Variants in MEP1A observed in about 807,000 individuals in gnomAD.
MEP1A encodes meprin A subunit alpha, also known as N-benzoyl-L-tyrosyl-P-amino-benzoic acid hydrolase subunit alpha.
Under a neutral mutation model 84.5 loss-of-function variants are expected in MEP1A, and 68 were observed. The ratio of observed to expected loss-of-function variants is 0.80; its 90% CI spans 0.66 to 0.98. The LOEUF is 0.98. Among genes scored for constraint, MEP1A ranks in the 50% least tolerant of loss-of-function variants. The pLI is 0.00. For missense variants in MEP1A, 887 were observed against 919.9 expected, an observed-to-expected ratio of 0.96 and a Z score of 0.46; for synonymous variants, 337 against 336.8, an observed-to-expected ratio of 1.00 and a Z score of -0.01.
rs201786654 is a variant in MEP1A, at chr6:46,825,318, C to T, written c.603C>T (p.Asp201=). Residue 201 remains aspartate, a synonymous_variant, in exon 8 of 14, where the codon GAC becomes GAT. Transcript: ENST00000230588. ...CCTATGATGATAGCTTAATCACAGA[C>T]CTCAATACACCCTATGATTATGAGT... ...FDTYDDSLIT[D]LNTPYDYESL... 321 of 1,613,606 alleles carry T rather than the reference C, an allele frequency of 2.0e-4. 2 individuals carry two copies. The highest frequency in any genetic ancestry group is 9.2e-4 in the South Asian group (84 of 91,052).
intron 13 of MEP1A, among the ~76,000 whole-genome samples, chr6:46,835,774 T>C (rs1581690916): frequency 6.6e-6 from 1 of 152,128 alleles, no homozygotes; most frequent in African/African-American, 2.4e-5. Context: ...TCACCCCTTT[T>C]CCCCTCTTCT....
chr6:46,797,916 TTCCTTCCTTCCTTCTTTCCTTCCTTCC>T lies in MEP1A; in HGVS notation c.146-688_146-662del, dbSNP rs1562102768. On this transcript the variant is annotated intron_variant, in intron 3 of 13. Transcript: ENST00000230588. ...CTTCCTTCCTTCCTTCCTTCCTTCC[TTCCTTCCTTCCTTCTTTCCTTCCTTCC>T]TTCCTTCCTTCCTTCCTTTTTTCTT... 8.0e-3 allele frequency among the ~76,000 whole-genome samples: 362 copies of T among 45,076 alleles called. 12 individuals are homozygous for T. The highest frequency in any genetic ancestry group is 0.044 in the South Asian group (57 of 1,286). The allele number at this position is 45,076 out of a possible 152,430, so 29.6% of individuals were successfully genotyped here.
At chr6:46,840,026 A>G (rs1188083281), downstream of MEP1A, among the ~76,000 whole-genome samples, 1 of 151,700 alleles carries the variant, frequency 6.6e-6, no homozygotes, top group Non-Finnish European at 1.5e-5. Context: ...GTTCCAAGAT[A>G]GAGCAAGTGA....
chr6:46,836,565 C>A (rs1473296847), intron 13 of MEP1A, among the ~76,000 whole-genome samples: 7 of 152,150 alleles, frequency 4.6e-5, no homozygotes, highest in Non-Finnish European at 8.8e-5. Flanking sequence ...ATTAGCATAG[C>A]CAAGAAATGA....
chr6:46,829,540 T>A lies in MEP1A; in HGVS notation c.1113T>A (p.Val371=). The A allele has an allele frequency of 6.2e-7, 1 of 1,614,162 alleles. No individual in the cohort carries two copies. Among genetic ancestry groups the A allele is most frequent in the Non-Finnish European group, 8.5e-7 (1 of 1,180,014 alleles). Residue 371 remains valine, a synonymous_variant, in exon 10 of 14, where the codon GTT becomes GTA. Coordinates refer to ENST00000230588, the MANE Select transcript of MEP1A (RefSeq NM_005588.3). ...WVRRDDSTGN[V]RKLVKVQTFQ... ...GGAGGGATGACAGCACAGGCAATGT[T>A]CGCAAGTTGGTGAAGGTGCAGACTT...
chr6:46,826,609 G>T (rs2150753487), intron 9 of MEP1A, 106 bp downstream of exon 9: 1 of 1,000,996 alleles, frequency 1.0e-6, no homozygotes, highest in East Asian at 2.8e-5. Flanking sequence ...TATCAAACTT[G>T]AAAATCTGAA....
chr6:46,841,183 C>T (rs1768325469), downstream of MEP1A, among the ~76,000 whole-genome samples: 1 of 152,198 alleles, frequency 6.6e-6, no homozygotes, highest in African/African-American at 2.4e-5. Flanking sequence ...CAAATTAAAA[C>T]TGCTAGGTCA....
At chr6:46,809,834 T>C (rs866014408) in intron 6 of MEP1A, among the ~76,000 whole-genome samples, 3 of 116,436 alleles carry the variant, frequency 2.6e-5, no homozygotes, top group African/African-American at 7.8e-5. Flanking sequence ...ATATTTTACA[T>C]ATATTTTTTT....
chr6:46,828,662 CT>C (rs1768001872), intron 9 of MEP1A, among the ~76,000 whole-genome samples: 1 of 152,164 alleles, frequency 6.6e-6, no homozygotes, highest in South Asian at 2.1e-4. Flanking sequence ...ATTTGTTTGG[CT>C]GCTTGACTGT....
chr6:46,830,077 G>A (rs988127236), intron 10 of MEP1A, among the ~76,000 whole-genome samples: 1 of 151,626 alleles, frequency 6.6e-6, no homozygotes, highest in Non-Finnish European at 1.5e-5. Context: ...GTGAAACCCC[G>A]TCTCTACTAA....
At chr6:46,813,603 G>A (rs1767558589) in intron 6 of MEP1A, among the ~76,000 whole-genome samples, 1 of 152,010 alleles carries the variant, frequency 6.6e-6, no homozygotes, top group Non-Finnish European at 1.5e-5. Context: ...TTTGTTGCTT[G>A]AATATCTTGG....
intron 5 of MEP1A, among the ~76,000 whole-genome samples, chr6:46,806,857 A>ATT (rs901907046): frequency 6.6e-6 from 1 of 152,054 alleles, no homozygotes; most frequent in Non-Finnish European, 1.5e-5. Flanking sequence ...CATTGAAGAA[A>ATT]TTAGAGCGTG....
chr6:46,827,147 C>A (rs1278668847), intron 9 of MEP1A, among the ~76,000 whole-genome samples: 1 of 152,170 alleles, frequency 6.6e-6, no homozygotes, highest in Non-Finnish European at 1.5e-5. Flanking sequence ...GCTTCAGATA[C>A]TTCCTATATA....
At chr6:46,817,473 G>C (rs1264123860) in intron 6 of MEP1A, among the ~76,000 whole-genome samples, 1 of 152,116 alleles carries the variant, frequency 6.6e-6, no homozygotes, top group Non-Finnish European at 1.5e-5. Flanking sequence ...ACATTTTAGG[G>C]CCTCTCTGCT....
At chr6:46,800,409 A>G (rs1406345119) in intron 5 of MEP1A, among the ~76,000 whole-genome samples, 4 of 152,174 alleles carry the variant, frequency 2.6e-5, no homozygotes, top group Non-Finnish European at 5.9e-5. Context: ...TGCATGTCCA[A>G]CGGTCCTCTA....
intron 6 of MEP1A, among the ~76,000 whole-genome samples, chr6:46,810,250 C>A (rs1562108241): frequency 6.6e-6 from 1 of 152,028 alleles, no homozygotes; most frequent in Non-Finnish European, 1.5e-5. Context: ...TGCCTGTTGG[C>A]CATTTCTGTA....
In MEP1A at chr6:46,829,497, G is replaced by A. The variant is rs1471310117; in HGVS notation, c.1070G>A (p.Arg357Lys). 1.2e-6 allele frequency: 2 copies of A among 1,614,138 alleles called. No homozygotes were observed. The highest frequency in any genetic ancestry group is 3.3e-4 in the Middle Eastern group (2 of 6,062). ...AAAATGACGGGAAGTCCTTCAGACAGACTCGTTGTCTGGGTCAGGAGGGAT... is the reference window on the plus strand; with the variant it reads ...AAAATGACGGGAAGTCCTTCAGACAAACTCGTTGTCTGGGTCAGGAGGGAT... ...FYKMTGSPSDRLVVWVRRDDS... is the reference protein window; with the variant it reads ...FYKMTGSPSDKLVVWVRRDDS... Residue 357 changes from arginine (R) to lysine (K), a missense_variant, in exon 10 of 14, where the codon AGA (arginine) becomes AAA (lysine). Coordinates refer to ENST00000230588, the MANE Select transcript of MEP1A (RefSeq NM_005588.3).
chr6:46,825,554 T>C, intron 8 of MEP1A, 61 bp downstream of exon 8: 1 of 1,147,460 alleles, frequency 8.7e-7, no homozygotes, highest in South Asian at 1.5e-5. Context: ...CCATCAGCCT[T>C]AGAGATTTCC....
intron 5 of MEP1A, among the ~76,000 whole-genome samples, chr6:46,808,930 A>G (rs1052128850): frequency 6.6e-6 from 1 of 152,002 alleles, no homozygotes; most frequent in Non-Finnish European, 1.5e-5. Flanking sequence ...CTCCTCCAGA[A>G]AGAGAGAATG....
Sources: gnomAD v4.1 joint callset for allele counts (sites outside exome capture counted in the v4.1 genomes callset) on GRCh38, gnomAD v4.1.1 for gene constraint, MANE v1.5 for transcripts, NCBI Gene and HGNC (gene_info 2026-07-23, HGNC 2026-07-21) for gene names.